CDH13: variants seen among roughly 807,000 people sequenced by gnomAD.
CDH13 encodes cadherin-13.
In CDH13, 24 loss-of-function variants were observed where a neutral mutation model predicts 63.8. The observed-to-expected ratio is 0.38, with a 90% CI of 0.27 to 0.53. CDH13 has a LOEUF of 0.53. Ranked by LOEUF, CDH13 falls within the 20% of genes least tolerant of loss-of-function variation. CDH13 has a pLI of 0.85. For synonymous variants in CDH13, 503 were observed against 355.3 expected (o/e 1.42, Z -4.67); for missense variants, 1,049 against 903.1 (o/e 1.16, Z -2.07).
At chr16:83,458,387 A>G (rs1303290241) in intron 6 of CDH13, among the ~76,000 whole-genome samples, 2 of 152,090 alleles carry the variant, frequency 1.3e-5, no homozygotes, top group East Asian at 1.9e-4. Context: ...TTCCTCCCCA[A>G]CACTTCCCAA....
intron 8 of CDH13, among the ~76,000 whole-genome samples, chr16:83,660,917 C>G (rs1346831226): frequency 7.7e-6 from 1 of 129,688 alleles, no homozygotes; most frequent in Non-Finnish European, 1.8e-5. Context: ...AGTATCCAAG[C>G]CTGAAATTGA....
chr16:83,725,252 G>GT (rs1910245091), intron 10 of CDH13, among the ~76,000 whole-genome samples: 1 of 152,178 alleles, frequency 6.6e-6, no homozygotes, highest in Non-Finnish European at 1.5e-5. Flanking sequence ...AAGGCATGGT[G>GT]GCCAAGAGAG....
intron 1 of CDH13, among the ~76,000 whole-genome samples, chr16:82,670,809 A>G (rs376816326): frequency 6.6e-6 from 1 of 152,240 alleles, no homozygotes; most frequent in African/African-American, 2.4e-5. Flanking sequence ...GTTGCATATC[A>G]TTTCAGAACA....
chr16:82,965,607 C>A (rs1451110759), intron 2 of CDH13, among the ~76,000 whole-genome samples: 1 of 152,168 alleles, frequency 6.6e-6, no homozygotes, highest in Admixed American at 6.5e-5. Flanking sequence ...TCTTGGCTCA[C>A]TGCAACCTCT....
At chr16:83,132,097 T>A (rs2036080100) in intron 4 of CDH13, among the ~76,000 whole-genome samples, 1 of 152,114 alleles carries the variant, frequency 6.6e-6, no homozygotes, top group Non-Finnish European at 1.5e-5. Flanking sequence ...AGTCTGATAG[T>A]CTTGGAATTT....
intron 5 of CDH13, among the ~76,000 whole-genome samples, chr16:83,252,195 C>T (rs1386529420): frequency 1.3e-5 from 2 of 148,780 alleles, no homozygotes. Context: ...GTCTCCCCAC[C>T]CCTAATGCAT....
intron 1 of CDH13, among the ~76,000 whole-genome samples, chr16:82,788,810 A>G (rs896852779): frequency 6.6e-6 from 1 of 152,152 alleles, no homozygotes; most frequent in East Asian, 1.9e-4. Flanking sequence ...TGTTATTTGC[A>G]TCCAATTAAA....
At position 83,115,046 on chromosome 16, in the gene CDH13, A is replaced by C. The variant is rs142963306; in HGVS notation, c.367-10339A>C. Among the ~76,000 whole-genome samples the C allele has an allele frequency of 5.6e-4, 85 of 152,320 alleles. No individual in the cohort carries two copies. The East Asian group carries it at 0.015, about 27-fold the overall frequency. On this transcript the variant is annotated intron_variant, in intron 3 of 13. Coordinates refer to ENST00000567109, the MANE Select transcript of CDH13 (RefSeq NM_001257.5). Reference sequence around the variant, plus strand: ...GGCTGGAGATTTGTTCTCTCTGGGAAAATGTTAAAGCTGTGATTATCTAGT... The same window carrying C: ...GGCTGGAGATTTGTTCTCTCTGGGACAATGTTAAAGCTGTGATTATCTAGT...
intron 4 of CDH13, among the ~76,000 whole-genome samples, chr16:83,128,881 A>C (rs1412593684): frequency 1.3e-5 from 2 of 152,216 alleles, no homozygotes; most frequent in Non-Finnish European, 2.9e-5. Flanking sequence ...CTACAAAGCA[A>C]CTGCTTTTCT....
At chr16:83,109,262 C>T (rs2034943641) in intron 3 of CDH13, among the ~76,000 whole-genome samples, 1 of 152,082 alleles carries the variant, frequency 6.6e-6, no homozygotes, top group African/African-American at 2.4e-5. Flanking sequence ...CAGGTGGAAT[C>T]TGTAGGACTT....
chr16:82,837,479 T>C (rs1372220210), intron 1 of CDH13, among the ~76,000 whole-genome samples: 9 of 152,104 alleles, frequency 5.9e-5, no homozygotes, highest in Admixed American at 5.9e-4. Context: ...CCCAGTTTCC[T>C]TGATCCCCAA....
chr16:83,383,320 A>G (rs545950282), intron 6 of CDH13: 1 of 152,292 alleles, frequency 6.6e-6, no homozygotes, highest in East Asian at 1.9e-4. Flanking sequence ...TCATGTCAAC[A>G]TCCTCAGGTT....
At chr16:83,192,697 C>T (rs1397493745) in intron 4 of CDH13, among the ~76,000 whole-genome samples, 2 of 152,114 alleles carry the variant, frequency 1.3e-5, no homozygotes, top group South Asian at 2.1e-4. Context: ...CGTGCTGTAT[C>T]ACCAAGCCGT....
At chr16:83,255,264 A>G (rs1394533645) in intron 5 of CDH13, among the ~76,000 whole-genome samples, 1 of 152,172 alleles carries the variant, frequency 6.6e-6, no homozygotes, top group Non-Finnish European at 1.5e-5. Context: ...AGGCTTGGCA[A>G]TTAAAAAGAC....
chr16:83,289,125 A>T (rs945321962), intron 5 of CDH13, among the ~76,000 whole-genome samples: 1 of 152,218 alleles, frequency 6.6e-6, no homozygotes, highest in African/African-American at 2.4e-5. Context: ...GGCCTACAAG[A>T]ACCAAAAAAG....
intron 3 of CDH13, among the ~76,000 whole-genome samples, chr16:83,074,234 G>T (rs2032661026): frequency 6.6e-6 from 1 of 152,116 alleles, no homozygotes; most frequent in Non-Finnish European, 1.5e-5. Context: ...GAGTGAGCAT[G>T]TGCGATATTT....
chr16:83,309,492 T>C (rs569088588), intron 5 of CDH13, among the ~76,000 whole-genome samples: 5 of 152,296 alleles, frequency 3.3e-5, no homozygotes, highest in African/African-American at 1.2e-4. Context: ...TTCTCCTGCC[T>C]CAGCCTCCTG....
intron 8 of CDH13, among the ~76,000 whole-genome samples, chr16:83,635,491 A>G (rs552584595): frequency 6.6e-6 from 1 of 151,506 alleles, no homozygotes; most frequent in South Asian, 2.1e-4. Context: ...TTGCAGGCAC[A>G]TGCCACCATG....
chr16:83,734,587 T>G (rs1343041250), intron 10 of CDH13, among the ~76,000 whole-genome samples: 541 of 127,450 alleles, frequency 4.2e-3, no homozygotes, highest in African/African-American at 6.4e-3. Context: ...TGTTGTGGGG[T>G]GGGGGAAGGG....
Sources: allele counts gnomAD v4.1 joint callset (sites outside exome capture counted in the v4.1 genomes callset), GRCh38; gene constraint gnomAD v4.1.1; transcripts MANE v1.5; gene names NCBI Gene and HGNC (gene_info 2026-07-23, HGNC 2026-07-21).